The following TRPC5 variants were observed in gnomAD, a reference collection of about 807,000 sequenced individuals.
The protein encoded by TRPC5 is transient receptor potential cation channel subfamily C member 5, also known as short transient receptor potential channel 5.
In TRPC5, 9 loss-of-function variants were observed where a neutral mutation model predicts 56.5. That is an observed-to-expected ratio of 0.16 (90% CI 0.10 to 0.28). The LOEUF is 0.28. Ranked by LOEUF, TRPC5 falls within the 10% of genes least tolerant of loss-of-function variation. TRPC5 has a pLI of 1.00. For synonymous variants in TRPC5, 282 were observed against 278.5 expected (o/e 1.01, Z -0.13); for missense variants, 469 against 748.9 (o/e 0.63, Z 4.36).
At position 111,781,963 on chromosome X, in the gene TRPC5, C is replaced by T. The variant is rs771982549; in HGVS notation, c.2072G>A (p.Arg691Gln). The change falls in exon 8 of 11, where the codon CGG becomes CAG. Residue 691 changes from arginine (R) to glutamine (Q), a missense_variant. Physicochemically the swap from Arg to Gln is conservative, Grantham distance 43. This residue lies in a region of TRPC5 where 194 missense variants were observed against 221.8 expected (regional missense o/e 0.87). Transcript: ENST00000262839. ...GAAACTTCTCAAGTTGCGCCTTCTC[C>T]GTCTACCGTCAGGGTCTCTTTTGGG... is the stretch of plus-strand genomic sequence containing the variant. ...FCPKRDPDGRRRRRNLRSFTE... is the reference protein window; with the variant it reads ...FCPKRDPDGRQRRRNLRSFTE... The T allele has an allele frequency of 2.8e-5, 33 of 1,193,241 alleles. No homozygotes were observed. Among genetic ancestry groups the T allele is most frequent in the Non-Finnish European group, 3.4e-5 (30 of 887,975 alleles).
At chrX:111,914,648 C>T (rs1925921353) in intron 2 of TRPC5, among the ~76,000 whole-genome samples, 1 of 112,217 alleles carries the variant, frequency 8.9e-6, no homozygotes, top group Non-Finnish European at 1.9e-5. Flanking sequence ...AGCGAGTAAA[C>T]ACTGTTAAAC....
chrX:111,826,812 T>C (rs1340874259), intron 7 of TRPC5, among the ~76,000 whole-genome samples: 4 of 112,091 alleles, frequency 3.6e-5, no homozygotes, highest in Non-Finnish European at 1.9e-5. Flanking sequence ...CAGTGATTCT[T>C]ATCCTGGAAG....
intron 2 of TRPC5, among the ~76,000 whole-genome samples, chrX:111,945,635 C>T (rs1443393239): frequency 8.9e-6 from 1 of 111,784 alleles, no homozygotes; most frequent in Non-Finnish European, 1.9e-5. Flanking sequence ...AAGTTACTGT[C>T]AGCCCCTTAT....
At chrX:111,964,406 T>C (rs1212912484) in intron 1 of TRPC5, among the ~76,000 whole-genome samples, 1 of 112,232 alleles carries the variant, frequency 8.9e-6, no homozygotes, top group African/African-American at 3.2e-5. Flanking sequence ...CTCTTCAGGA[T>C]ATTATCCAGG....
At chrX:111,976,340 T>G (rs1357368760) in intron 1 of TRPC5, among the ~76,000 whole-genome samples, 1 of 110,857 alleles carries the variant, frequency 9.0e-6, no homozygotes, top group Non-Finnish European at 1.9e-5. Context: ...GGAGAATCAC[T>G]TCAGCCTAAG....
intron 1 of TRPC5, among the ~76,000 whole-genome samples, chrX:112,051,080 T>G (rs1041157413): frequency 4.4e-5 from 5 of 112,780 alleles, no homozygotes; most frequent in Admixed American, 9.4e-5. Context: ...CTGGGTTCTT[T>G]GCTGGCTGGT....
At chrX:112,002,338 C>T (rs1222105930) in intron 1 of TRPC5, among the ~76,000 whole-genome samples, 2 of 111,103 alleles carry the variant, frequency 1.8e-5, no homozygotes, top group Non-Finnish European at 3.8e-5. Context: ...GGGGGTGGGG[C>T]ATACAGGGTC....
At chrX:111,868,875 A>G (rs983540066) in intron 3 of TRPC5, among the ~76,000 whole-genome samples, 2 of 111,868 alleles carry the variant, frequency 1.8e-5, no homozygotes, top group Non-Finnish European at 3.8e-5. Context: ...AAATGGGCCC[A>G]ATGTGTACTG....
In TRPC5 at chrX:111,774,365, G is replaced by A. The variant is rs1475167155; in HGVS notation, c.*1948C>T. On this transcript the variant is annotated 3_prime_UTR_variant, in exon 11 of 11. Coordinates refer to ENST00000262839, the MANE Select transcript of TRPC5 (RefSeq NM_012471.3). The stretch of plus-strand genomic sequence containing the variant: ...AGCCCAGGTTCTATTATTATTCAAA[G>A]TGAATTTGACAATTTGAAAAGCTGA... 8.9e-6 allele frequency: 1 copy of A among 112,009 alleles called. No homozygotes were observed. The highest frequency in any genetic ancestry group is 1.9e-5 in the Non-Finnish European group (1 of 53,176). The allele number at this position is 112,009 out of a possible 1,213,427, so 9.2% of individuals were successfully genotyped here. A position where few individuals can be genotyped will look rare whatever the true frequency, so the allele number is the denominator to read the frequency against.
At chrX:111,834,788 C>T in intron 7 of TRPC5, 133 bp downstream of exon 7, 1 of 489,575 alleles carries the variant, frequency 2.0e-6, no homozygotes, top group Non-Finnish European at 3.4e-6. Flanking sequence ...ATAATTCAGT[C>T]TAACAACTAG....
intron 1 of TRPC5, among the ~76,000 whole-genome samples, chrX:112,023,245 T>G (rs1350860408): frequency 1.0e-5 from 1 of 97,066 alleles, no homozygotes; most frequent in Non-Finnish European, 2.0e-5. Flanking sequence ...TTTTTTTTTT[T>G]GTTTTTTTTT....
chrX:111,909,823 G>A (rs770338832), intron 3 of TRPC5, among the ~76,000 whole-genome samples: 1 of 111,181 alleles, frequency 9.0e-6, no homozygotes, highest in Non-Finnish European at 1.9e-5. Flanking sequence ...AAAGAAAGAG[G>A]AAAAAATAAT....
Position 112,040,217 on chromosome X carries a change from C to A in TRPC5, c.-22+41662G>T, listed in dbSNP as rs186868743. ...ATAAAACAACCTTTTGTAGGTCTTT[C>A]AATCTAATAAGAATTGATGTGTTCG... On this transcript the variant is annotated intron_variant, in intron 1 of 10. Transcript: ENST00000262839. 8.3e-4 allele frequency among the ~76,000 whole-genome samples: 93 copies of A among 112,201 alleles called. 1 individual carries two copies. The highest frequency in any genetic ancestry group is 2.9e-3 in the African/African-American group (91 of 30,936).
At chrX:111,961,330 C>G (rs781293664) in intron 1 of TRPC5, among the ~76,000 whole-genome samples, 21 of 112,034 alleles carry the variant, frequency 1.9e-4, no homozygotes, top group African/African-American at 6.8e-4. Context: ...TTTAAATTAA[C>G]TCATCCTTAA....
At chrX:111,849,874 A>G (rs1923035727) in intron 5 of TRPC5, among the ~76,000 whole-genome samples, 1 of 112,195 alleles carries the variant, frequency 8.9e-6, no homozygotes, top group South Asian at 3.8e-4. Context: ...AATTAAATTC[A>G]GATCTCCTGA....
intron 1 of TRPC5, among the ~76,000 whole-genome samples, chrX:112,019,912 C>G (rs1298611824): frequency 8.9e-6 from 1 of 112,076 alleles, no homozygotes; most frequent in African/African-American, 3.2e-5. Flanking sequence ...TCTCATCAAA[C>G]TAACTTTCTC....
At chrX:111,986,142 T>C (rs1335707572) in intron 1 of TRPC5, among the ~76,000 whole-genome samples, 2 of 111,470 alleles carry the variant, frequency 1.8e-5, no homozygotes, top group Admixed American at 1.9e-4. Context: ...AAACTCTACA[T>C]CAAACTAAGG....
At chrX:111,848,288 A>G (rs989724679) in intron 5 of TRPC5, among the ~76,000 whole-genome samples, 1 of 111,425 alleles carries the variant, frequency 9.0e-6, no homozygotes, top group Non-Finnish European at 1.9e-5. Context: ...AGATGACTTC[A>G]TTGTGAGATC....
chrX:111,946,781 C>T lies in TRPC5; in HGVS notation c.378+5262G>A, dbSNP rs755804130. Among the ~76,000 whole-genome samples the T allele has an allele frequency of 9.8e-5, 11 of 112,231 alleles. No homozygotes were observed. In the South Asian group the frequency reaches 4.1e-3, roughly 42 times the overall value. On this transcript the variant is annotated intron_variant, in intron 2 of 10. Transcript: ENST00000262839. Reference sequence around the variant, plus strand: ...ACCATTGAACATGAGATTTTTGCCTCACATTTGAGAAACAATTTAATTACA... The same window carrying T: ...ACCATTGAACATGAGATTTTTGCCTTACATTTGAGAAACAATTTAATTACA...
Sources: gnomAD v4.1 joint callset for allele counts (sites outside exome capture counted in the v4.1 genomes callset) on GRCh38, gnomAD v4.1.1 for gene constraint, gnomAD v4.1.1 regional missense constraint, MANE v1.5 for transcripts, NCBI Gene and HGNC (gene_info 2026-07-23, HGNC 2026-07-21) for gene names.